CACNA1C: variants seen among roughly 807,000 people sequenced by gnomAD.
CACNA1C encodes the protein calcium voltage-gated channel subunit alpha1 C, also known as voltage-dependent L-type calcium channel subunit alpha-1C.
In CACNA1C, 30 loss-of-function variants were observed where a neutral mutation model predicts 229.0. The ratio of observed to expected loss-of-function variants is 0.13; its 90% CI spans 0.10 to 0.18. CACNA1C has a LOEUF of 0.18. Ranked by LOEUF, CACNA1C falls within the 10% of genes least tolerant of loss-of-function variation. CACNA1C has a pLI of 1.00. For synonymous variants in CACNA1C, 1,114 were observed against 1,132.5 expected, an observed-to-expected ratio of 0.98 and a Z score of 0.33; for missense variants, 1,658 against 2,845.0, an observed-to-expected ratio of 0.58 and a Z score of 9.49.
intron 3 of CACNA1C, among the ~76,000 whole-genome samples, chr12:2,298,218 T>C (rs2094237624): frequency 6.6e-6 from 1 of 152,236 alleles, no homozygotes; most frequent in South Asian, 2.1e-4. Context: ...TGCTCAGCAA[T>C]AGTCTCAGCC....
chr12:2,066,130 A>G (rs1237843734), intron 1 of CACNA1C, among the ~76,000 whole-genome samples: 2 of 152,036 alleles, frequency 1.3e-5, no homozygotes, highest in Non-Finnish European at 2.9e-5. Context: ...TCCAGGCAAG[A>G]GAGGGAAGGA....
intron 3 of CACNA1C, among the ~76,000 whole-genome samples, chr12:2,327,232 G>C (rs1316950164): frequency 1.3e-5 from 2 of 152,238 alleles, no homozygotes; most frequent in Non-Finnish European, 2.9e-5. Context: ...TTGAGGTCCT[G>C]GATGCTGAAT....
chr12:2,264,236 G>T (rs2081438839), intron 3 of CACNA1C, among the ~76,000 whole-genome samples: 1 of 152,210 alleles, frequency 6.6e-6, no homozygotes, highest in Non-Finnish European at 1.5e-5. Flanking sequence ...GGATGCCTCT[G>T]CAAGGGCTCC....
In CACNA1C at chr12:2,310,377, G is replaced by A. The variant is rs937884851; in HGVS notation, c.478-138599G>A. Among the ~76,000 whole-genome samples the A allele has an allele frequency of 9.1e-4, 135 of 147,880 alleles. 1 individual carries two copies. Among genetic ancestry groups the A allele is most frequent in the African/African-American group, 3.4e-3 (134 of 39,160 alleles). On this transcript the variant is annotated intron_variant, in intron 3 of 46. Coordinates refer to ENST00000399655, the MANE Select transcript of CACNA1C (RefSeq NM_000719.7). ...AATATATATATATATATATATGTATGGGAATAAAGACTTCTTGATGTGTAT... is the reference window on the plus strand; with the variant it reads ...AATATATATATATATATATATGTATAGGAATAAAGACTTCTTGATGTGTAT...
chr12:2,260,499 CAAG>C (rs1026614937), intron 3 of CACNA1C, among the ~76,000 whole-genome samples: 7 of 138,980 alleles, frequency 5.0e-5, no homozygotes, highest in African/African-American at 1.3e-4. Context: ...AAAAAAAGAA[CAAG>C]AAGAAGAAAG....
At chr12:2,297,915 T>C (rs866926065) in intron 3 of CACNA1C, among the ~76,000 whole-genome samples, 1 of 151,544 alleles carries the variant, frequency 6.6e-6, no homozygotes, top group Non-Finnish European at 1.5e-5. Context: ...AATAAATAAA[T>C]AGAGAAGGAG....
chr12:2,255,684 T>C (rs1055669239), intron 3 of CACNA1C, among the ~76,000 whole-genome samples: 12 of 152,216 alleles, frequency 7.9e-5, no homozygotes, highest in African/African-American at 2.4e-4. Context: ...GGGCAGTGTT[T>C]AGGATAAGTC....
chr12:2,629,000 A>AT (rs2088868657), intron 29 of CACNA1C, among the ~76,000 whole-genome samples: 1 of 152,138 alleles, frequency 6.6e-6, no homozygotes, highest in Admixed American at 6.5e-5. Flanking sequence ...CATCTCTTGG[A>AT]TTTTTTTAAA....
At position 2,187,988 on chromosome 12, in the gene CACNA1C, G is replaced by A. The variant is rs546905204; in HGVS notation, c.477+67558G>A. Among the ~76,000 whole-genome samples the A allele has an allele frequency of 7.3e-4, 111 of 152,314 alleles. 1 individual carries two copies. Among genetic ancestry groups the A allele is most frequent in the South Asian group, 6.6e-3 (32 of 4,828 alleles). On this transcript the variant is annotated intron_variant, in intron 3 of 46. Transcript: ENST00000399655. ...CACAGGTTGGGAGCTGCCTTTCCCC[G>A]AAGCCCTAGCTTTGCTTCTGTGAGA... is the stretch of plus-strand genomic sequence containing the variant.
chr12:2,295,794 G>T (rs1167239791), intron 3 of CACNA1C, among the ~76,000 whole-genome samples: 1 of 152,236 alleles, frequency 6.6e-6, no homozygotes, highest in Non-Finnish European at 1.5e-5. Flanking sequence ...CCAAGGTCAT[G>T]TGGCTAGTAA....
chr12:2,484,437 G>A (rs1567959614), intron 5 of CACNA1C, among the ~76,000 whole-genome samples: 1 of 152,226 alleles, frequency 6.6e-6, no homozygotes, highest in Non-Finnish European at 1.5e-5. Flanking sequence ...ACAGGGCCCT[G>A]TAGGGCACAG....
chr12:2,451,867 T>G (rs934888780), intron 4 of CACNA1C, among the ~76,000 whole-genome samples: 3 of 152,202 alleles, frequency 2.0e-5, no homozygotes, highest in African/African-American at 7.2e-5. Flanking sequence ...TCGTGGTTGG[T>G]CTTGCACTGG....
At chr12:2,356,770 A>C (rs1182419435) in intron 3 of CACNA1C, among the ~76,000 whole-genome samples, 1 of 152,212 alleles carries the variant, frequency 6.6e-6, no homozygotes, top group Non-Finnish European at 1.5e-5. Flanking sequence ...TGGTCAGCTT[A>C]CGTGCCTCTC....
chr12:2,385,125 C>CAAGTTGTA (rs1292427902), intron 3 of CACNA1C, among the ~76,000 whole-genome samples: 2 of 152,192 alleles, frequency 1.3e-5, no homozygotes, highest in African/African-American at 4.8e-5. Flanking sequence ...ATACCCATAA[C>CAAGTTGTA]AAGTTGTAAT....
intron 3 of CACNA1C, among the ~76,000 whole-genome samples, chr12:2,142,174 A>G (rs758129241): frequency 2.0e-5 from 3 of 151,218 alleles, no homozygotes. Context: ...ACCTCCCACC[A>G]TCTCCCAAGG....
At chr12:2,265,188 T>C (rs1435477873) in intron 3 of CACNA1C, among the ~76,000 whole-genome samples, 1 of 152,194 alleles carries the variant, frequency 6.6e-6, no homozygotes, top group African/African-American at 2.4e-5. Context: ...AGAGTGATGC[T>C]GACCTTCTGC....
intron 3 of CACNA1C, among the ~76,000 whole-genome samples, chr12:2,281,752 G>C (rs1238846865): frequency 6.6e-6 from 1 of 152,032 alleles, no homozygotes; most frequent in Non-Finnish European, 1.5e-5. Context: ...GATGTGCCTT[G>C]GTATAATTCT....
intron 1 of CACNA1C, among the ~76,000 whole-genome samples, chr12:2,006,825 C>A (rs947892799): frequency 1.6e-4 from 25 of 152,256 alleles, no homozygotes; most frequent in African/African-American, 5.5e-4. Flanking sequence ...TATATTTATA[C>A]CTGATATTAA....
rs139889608 is a variant in CACNA1C, at chr12:1,971,383, G to A, written c.139+182G>A. 2.0e-4 allele frequency among the ~76,000 whole-genome samples: 30 copies of A among 152,132 alleles called. No individual in the cohort carries two copies. Among genetic ancestry groups the A allele is most frequent in the African/African-American group, 6.5e-4 (27 of 41,502 alleles). ...TAACTGCACTATCCTGGTTTATGCC[G>A]TTCTTTGGAAATTCTCAATTGAAAA... On this transcript the variant is annotated intron_variant, in intron 1 of 46. Coordinates refer to the CACNA1C transcript ENST00000682462. This position sits in a 1 kb window ranked among gnomAD's most constrained non-coding sequence, Gnocchi z 4.2.
Sources: gnomAD v4.1 joint callset for allele counts (sites outside exome capture counted in the v4.1 genomes callset) on GRCh38, gnomAD v4.1.1 for gene constraint, Gnocchi (gnomAD v3.1) non-coding constraint, MANE v1.5 for transcripts, NCBI Gene and HGNC (gene_info 2026-07-23, HGNC 2026-07-21) for gene names.